The following TEX11 variants were observed in gnomAD, a reference collection of about 807,000 sequenced individuals.
TEX11 encodes testis-expressed protein 11.
Under a neutral mutation model 84.4 loss-of-function variants are expected in TEX11, and 7 were observed. The observed-to-expected ratio is 0.08, with a 90% CI of 0.05 to 0.16. The LOEUF is 0.16. Ranked by LOEUF, TEX11 falls within the 10% of genes least tolerant of loss-of-function variation. TEX11 has a pLI of 1.00. For missense variants in TEX11, 551 were observed against 660.5 expected (o/e 0.83, Z 1.82); for synonymous variants, 264 against 222.8 (o/e 1.18, Z -1.64).
chrX:70,631,429 A>C (rs1267489916), intron 17 of TEX11, among the ~76,000 whole-genome samples: 2 of 112,087 alleles, frequency 1.8e-5, no homozygotes, highest in African/African-American at 6.5e-5. Flanking sequence ...GTTAAATTGG[A>C]AAGTATTTGG....
intron 13 of TEX11, among the ~76,000 whole-genome samples, chrX:70,713,215 G>C (rs1429412180): frequency 9.0e-6 from 1 of 111,608 alleles, no homozygotes; most frequent in African/African-American, 3.3e-5. Flanking sequence ...GAGGATTTTT[G>C]CATCGATGTT....
intron 28 of TEX11, among the ~76,000 whole-genome samples, chrX:70,536,236 CT>C (rs1326916018): frequency 2.7e-5 from 3 of 110,610 alleles, no homozygotes; most frequent in Non-Finnish European, 3.8e-5. Context: ...AAGGTAGGCA[CT>C]TTTTTTAGCT....
chrX:70,629,804 T>C, intron 17 of TEX11, 69 bp from the exon 18 acceptor site: 1 of 782,567 alleles, frequency 1.3e-6, no homozygotes, highest in Non-Finnish European at 1.8e-6. Flanking sequence ...TATGGTTAAT[T>C]ATGCCACAAT....
At chrX:70,707,146 T>C (rs1402134874) in intron 13 of TEX11, among the ~76,000 whole-genome samples, 1 of 110,467 alleles carries the variant, frequency 9.1e-6, no homozygotes, top group Non-Finnish European at 1.9e-5. Context: ...CTATTCTAAA[T>C]CCTACCCTAC....
the TEX11 span, among the ~76,000 whole-genome samples, chrX:70,515,631 C>T: frequency 8.9e-6 from 1 of 112,117 alleles, no homozygotes; most frequent in Non-Finnish European, 1.9e-5. Flanking sequence ...TTTGGGTATA[C>T]ACCCAGTAAT....
chrX:70,788,969 TATATAGAGAGAGAGAGAG>T (rs1206889687), intron 9 of TEX11, among the ~76,000 whole-genome samples: 61 of 24,911 alleles, frequency 2.4e-3, no homozygotes, highest in South Asian at 3.0e-3. Flanking sequence ...TATATATATA[TATATAGAGAGAGAGAGAG>T]AGAGAGAGAG....
At chrX:70,583,261 A>G (rs1165045176) in intron 25 of TEX11, among the ~76,000 whole-genome samples, 1 of 110,739 alleles carries the variant, frequency 9.0e-6, no homozygotes, top group Non-Finnish European at 1.9e-5. Context: ...CCCTCCCACC[A>G]TCTCACCCTT....
At chrX:70,894,971 A>T (rs2091759373) in intron 2 of TEX11, among the ~76,000 whole-genome samples, 1 of 111,740 alleles carries the variant, frequency 8.9e-6, no homozygotes, top group Non-Finnish European at 1.9e-5. Context: ...GAAAACTGGC[A>T]CAAGACAAGG....
chrX:70,744,877 AT>A lies in TEX11; in HGVS notation c.693-659del, dbSNP rs773966964. On this transcript the variant is annotated intron_variant, in intron 9 of 29. Transcript: ENST00000374333. The stretch of plus-strand genomic sequence containing the variant: ...AGGAACTCATCACCATGCGTGGCTA[AT>A]TTTTTTTTTTTTTTGTATTTTTAGT... Among the ~76,000 whole-genome samples the A allele has an allele frequency of 9.4e-3, 919 of 97,892 alleles. 4 individuals are homozygous for A. The highest frequency in any genetic ancestry group is 0.025 in the Middle Eastern group (5 of 199). 85.0% of individuals were successfully genotyped at this position (97,892 alleles called of 115,157 possible). A position where few individuals can be genotyped will look rare whatever the true frequency, so the allele number is the denominator to read the frequency against.
chrX:70,560,804 C>T (rs1298553384), intron 25 of TEX11, among the ~76,000 whole-genome samples: 1 of 107,416 alleles, frequency 9.3e-6, no homozygotes, highest in Non-Finnish European at 1.9e-5. Context: ...CTCACTGTAA[C>T]CTCAAATTCC....
chrX:70,871,618 G>C (rs1332948581), intron 4 of TEX11, among the ~76,000 whole-genome samples: 1 of 111,430 alleles, frequency 9.0e-6, no homozygotes, highest in East Asian at 2.8e-4. Flanking sequence ...CTCCTGCGCT[G>C]ATAATCTATT....
At chrX:70,653,961 T>C (rs1426398118) in intron 16 of TEX11, among the ~76,000 whole-genome samples, 3 of 112,014 alleles carry the variant, frequency 2.7e-5, no homozygotes, top group Non-Finnish European at 5.6e-5. Context: ...ACGATTCCAA[T>C]TATGTGACAT....
intron 8 of TEX11, among the ~76,000 whole-genome samples, chrX:70,825,903 G>A (rs180778130): frequency 0.012 from 1,322 of 111,396 alleles, 14 homozygotes; most frequent in Middle Eastern, 0.019. Flanking sequence ...GCTTGAACCC[G>A]GGAGACAGAG....
At chrX:70,548,123 A>G (rs1337601048) in intron 28 of TEX11, among the ~76,000 whole-genome samples, 4 of 111,004 alleles carry the variant, frequency 3.6e-5, no homozygotes, top group Non-Finnish European at 7.6e-5. Flanking sequence ...TTGTAGGGAC[A>G]TGGATGAAGC....
At chrX:70,729,916 C>T (rs1037680649) in intron 11 of TEX11, among the ~76,000 whole-genome samples, 8 of 112,055 alleles carry the variant, frequency 7.1e-5, no homozygotes, top group African/African-American at 2.3e-4. Flanking sequence ...ACAGAAAGGT[C>T]GGGTTACCCA....
chrX:70,845,431 G>C (rs1161460924), intron 7 of TEX11, among the ~76,000 whole-genome samples: 1 of 110,871 alleles, frequency 9.0e-6, no homozygotes, highest in African/African-American at 3.3e-5. Flanking sequence ...CAAAGTGATG[G>C]GATTACAGGC....
At chrX:70,781,482 A>C (rs1432057838) in intron 9 of TEX11, among the ~76,000 whole-genome samples, 5 of 112,108 alleles carry the variant, frequency 4.5e-5, no homozygotes, top group African/African-American at 1.6e-4. Flanking sequence ...GAGTTCACAG[A>C]ATTAGGCTTC....
chrX:70,775,879 TC>T (rs1437992431), intron 9 of TEX11, among the ~76,000 whole-genome samples: 1 of 100,161 alleles, frequency 1.0e-5, no homozygotes, highest in Non-Finnish European at 2.0e-5. Flanking sequence ...GAAATGCAAA[TC>T]AAAACCACAA....
intron 16 of TEX11, among the ~76,000 whole-genome samples, chrX:70,653,559 G>A (rs1264295640): frequency 8.9e-6 from 1 of 112,008 alleles, no homozygotes; most frequent in Non-Finnish European, 1.9e-5. Context: ...TGGCAAGGAT[G>A]TGGTGCAACA....
Sources: allele counts gnomAD v4.1 joint callset (sites outside exome capture counted in the v4.1 genomes callset), GRCh38; gene constraint gnomAD v4.1.1; transcripts MANE v1.5; gene names NCBI Gene and HGNC (gene_info 2026-07-23, HGNC 2026-07-21).